ROBO1: variants seen among roughly 807,000 people sequenced by gnomAD.
ROBO1 encodes roundabout guidance receptor 1, also known as roundabout homolog 1.
In ROBO1, 149 loss-of-function variants were observed where a neutral mutation model predicts 195.9. That is an observed-to-expected ratio of 0.76 (90% CI 0.67 to 0.87). ROBO1 has a LOEUF of 0.87. Ranked by LOEUF, ROBO1 falls within the 40% of genes least tolerant of loss-of-function variation. The probability of loss-of-function intolerance (pLI) is 0.00; values close to 1 mark genes in which losing one functional copy is unlikely to be tolerated. For synonymous variants in ROBO1, 816 were observed against 733.2 expected (o/e 1.11, Z -1.82); for missense variants, 1,933 against 2,068.3 (o/e 0.93, Z 1.27).
chr3:79,166,554 A>ATTTTTTT (rs1391356175), intron 2 of ROBO1, among the ~76,000 whole-genome samples: 3 of 134,720 alleles, frequency 2.2e-5, no homozygotes, highest in Admixed American at 2.2e-4. Context: ...CAAGTTTTCT[A>ATTTTTTT]TTTTTCTTTT....
rs913522195 is a variant in ROBO1, at chr3:78,714,296, G to A, written c.1045+101C>T. 2.6e-6 allele frequency: 3 copies of A among 1,161,852 alleles called. No individual in the cohort carries two copies. In the African/African-American group the frequency reaches 4.7e-5, roughly 18 times the overall value. 72.0% of individuals were successfully genotyped at this position (1,161,852 alleles called of 1,614,324 possible). ...TACATTATTTAGAGCAATACTTAAA[G>A]TCTATATGTAACATAGCCCTATACA... On this transcript the variant is annotated intron_variant, in intron 8 of 30. Coordinates refer to ENST00000464233, the MANE Select transcript of ROBO1 (RefSeq NM_002941.4).
At chr3:79,261,125 C>T (rs528810855) in intron 2 of ROBO1, among the ~76,000 whole-genome samples, 5 of 151,974 alleles carry the variant, frequency 3.3e-5, no homozygotes, top group Non-Finnish European at 7.4e-5. Flanking sequence ...GTTTCACTTA[C>T]AGTTGATTTT....
intron 2 of ROBO1, among the ~76,000 whole-genome samples, chr3:79,586,635 TA>T (rs1424100249): frequency 2.0e-5 from 3 of 152,048 alleles, no homozygotes; most frequent in Admixed American, 1.3e-4. Flanking sequence ...AATATAAACC[TA>T]GAACTCAATT....
intron 4 of ROBO1, among the ~76,000 whole-genome samples, chr3:78,828,488 T>C (rs1408393433): frequency 6.6e-6 from 1 of 152,170 alleles, no homozygotes; most frequent in African/African-American, 2.4e-5. Context: ...AATTTACTGG[T>C]AGGCAAGTTT....
intron 1 of ROBO1, among the ~76,000 whole-genome samples, chr3:79,726,195 G>T (rs1181111662): frequency 1.3e-5 from 2 of 152,176 alleles, no homozygotes; most frequent in African/African-American, 4.8e-5. Flanking sequence ...TATAGACAAA[G>T]AATGCCTTAG....
chr3:78,776,537 A>G (rs1009677312), intron 4 of ROBO1, among the ~76,000 whole-genome samples: 3 of 152,220 alleles, frequency 2.0e-5, no homozygotes, highest in African/African-American at 7.2e-5. Context: ...GGCGTGAGCC[A>G]CCGCACCCAG....
At chr3:78,630,975 G>C (rs1705144114) in intron 25 of ROBO1, among the ~76,000 whole-genome samples, 186 bp downstream of exon 25, 2 of 152,128 alleles carry the variant, frequency 1.3e-5, no homozygotes. Flanking sequence ...TCAAAGCACA[G>C]ATTGCTTTTT....
chr3:79,465,416 A>G (rs1395150894), intron 2 of ROBO1, among the ~76,000 whole-genome samples: 1 of 152,152 alleles, frequency 6.6e-6, no homozygotes, highest in African/African-American at 2.4e-5. Context: ...ATTTTTGTCT[A>G]CAAGATTAAC....
At chr3:79,358,898 AT>A (rs1010986945) in intron 2 of ROBO1, among the ~76,000 whole-genome samples, 7 of 152,096 alleles carry the variant, frequency 4.6e-5, no homozygotes, top group Non-Finnish European at 1.0e-4. Context: ...TGTCCTGAAT[AT>A]TTTTTGGCCA....
At chr3:79,207,897 T>C (rs967574700) in intron 2 of ROBO1, among the ~76,000 whole-genome samples, 11 of 152,038 alleles carry the variant, frequency 7.2e-5, no homozygotes, top group Non-Finnish European at 1.0e-4. Flanking sequence ...GGCTTGAACA[T>C]ACCTTGAGAC....
chr3:78,868,599 A>G (rs992998709), intron 4 of ROBO1, among the ~76,000 whole-genome samples: 3 of 152,204 alleles, frequency 2.0e-5, no homozygotes, highest in Non-Finnish European at 4.4e-5. Context: ...CCAAAGGTAG[A>G]GACAAAACTA....
intron 4 of ROBO1, among the ~76,000 whole-genome samples, chr3:78,792,155 C>A (rs560172913): frequency 6.6e-6 from 1 of 152,090 alleles, no homozygotes; most frequent in Non-Finnish European, 1.5e-5. Flanking sequence ...AGTCCTGGGA[C>A]CTCATTGTGG....
intron 3 of ROBO1, among the ~76,000 whole-genome samples, chr3:78,997,919 A>C (rs2077407596): frequency 6.6e-6 from 1 of 152,166 alleles, no homozygotes; most frequent in South Asian, 2.1e-4. Flanking sequence ...AAATGAGAAG[A>C]GTAACACATA....
intron 2 of ROBO1, among the ~76,000 whole-genome samples, chr3:79,287,102 A>T (rs939734986): frequency 2.0e-5 from 3 of 152,180 alleles, no homozygotes; most frequent in Non-Finnish European, 4.4e-5. Flanking sequence ...GGATTATGAC[A>T]TCATGTAATG....
intron 2 of ROBO1, among the ~76,000 whole-genome samples, chr3:79,307,348 G>T (rs1233060333): frequency 6.6e-6 from 1 of 151,916 alleles, no homozygotes; most frequent in Non-Finnish European, 1.5e-5. Flanking sequence ...AAAAAAATGT[G>T]TTTACACAAC....
chr3:79,179,976 T>G (rs2081314122), intron 2 of ROBO1, among the ~76,000 whole-genome samples: 1 of 152,228 alleles, frequency 6.6e-6, no homozygotes, highest in Non-Finnish European at 1.5e-5. Flanking sequence ...TATATTTTAA[T>G]AGTTTTAAAA....
chr3:78,871,007 T>A (rs2107142420), intron 4 of ROBO1, among the ~76,000 whole-genome samples: 1 of 152,342 alleles, frequency 6.6e-6, no homozygotes, highest in Middle Eastern at 3.4e-3. Context: ...GGTCTATTCC[T>A]GGAATATAGA....
chr3:79,636,408 G>T (rs1945497656), intron 1 of ROBO1, among the ~76,000 whole-genome samples: 1 of 152,090 alleles, frequency 6.6e-6, no homozygotes, highest in African/African-American at 2.4e-5. Context: ...TTTTAACAAG[G>T]CACTTGTTAG....
intron 4 of ROBO1, among the ~76,000 whole-genome samples, chr3:78,934,551 T>C (rs1046865920): frequency 6.6e-6 from 1 of 151,940 alleles, no homozygotes; most frequent in Non-Finnish European, 1.5e-5. Flanking sequence ...TATATACATA[T>C]ATGCATGTAT....
Sources: allele counts gnomAD v4.1 joint callset (sites outside exome capture counted in the v4.1 genomes callset), GRCh38; gene constraint gnomAD v4.1.1; transcripts MANE v1.5; gene names NCBI Gene and HGNC (gene_info 2026-07-23, HGNC 2026-07-21).